GALNT13: variants seen among roughly 807,000 people sequenced by gnomAD.
The protein encoded by GALNT13 is polypeptide N-acetylgalactosaminyltransferase 13.
Under a neutral mutation model 64.2 loss-of-function variants are expected in GALNT13, and 28 were observed. The ratio of observed to expected loss-of-function variants is 0.44; its 90% CI spans 0.32 to 0.60. GALNT13 has a LOEUF of 0.60. GALNT13 is among the 20% of genes least tolerant of loss of function. GALNT13 has a pLI of 0.05. For synonymous variants in GALNT13, 214 were observed against 224.6 expected, an observed-to-expected ratio of 0.95 and a Z score of 0.42; for missense variants, 577 against 669.8, an observed-to-expected ratio of 0.86 and a Z score of 1.53.
At chr2:154,278,238 G>A (rs1293265347) in intron 8 of GALNT13, among the ~76,000 whole-genome samples, 2 of 152,066 alleles carry the variant, frequency 1.3e-5, no homozygotes, top group South Asian at 2.1e-4. Flanking sequence ...AACTTTAAGC[G>A]TACTGTGTCC....
At chr2:153,421,172 C>T in the GALNT13 span, 1 of 200,360 alleles carries the variant, frequency 5.0e-6, no homozygotes. Flanking sequence ...GTAGTCTTAC[C>T]CAGCAGAGAT....
the GALNT13 span, among the ~76,000 whole-genome samples, chr2:153,709,737 A>G: frequency 7.9e-5 from 12 of 152,152 alleles, no homozygotes; most frequent in Admixed American, 6.6e-4. Flanking sequence ...TATAAAATCA[A>G]CTTCAGTGCC....
intron 2 of GALNT13, among the ~76,000 whole-genome samples, chr2:153,939,083 A>C (rs1691154444): frequency 6.6e-6 from 1 of 152,182 alleles, no homozygotes; most frequent in Non-Finnish European, 1.5e-5. Flanking sequence ...TTTTTCAATA[A>C]ATTGGGGGTG....
At chr2:154,067,968 A>G (rs960348620) in intron 3 of GALNT13, among the ~76,000 whole-genome samples, 13 of 152,168 alleles carry the variant, frequency 8.5e-5, no homozygotes, top group African/African-American at 3.1e-4. Context: ...TTCATCTGAC[A>G]AGGGATTATA....
At chr2:154,102,554 C>T (rs1411873471) in intron 3 of GALNT13, among the ~76,000 whole-genome samples, 1 of 152,128 alleles carries the variant, frequency 6.6e-6, no homozygotes, top group Non-Finnish European at 1.5e-5. Context: ...GGATAAAATG[C>T]TACCCACTGG....
the GALNT13 span, among the ~76,000 whole-genome samples, chr2:153,152,514 C>A: frequency 6.6e-6 from 1 of 151,654 alleles, no homozygotes; most frequent in Non-Finnish European, 1.5e-5. Context: ...TATTTCATTG[C>A]TGAGGTGATA....
chr2:154,397,280 A>T (rs2105365379), intron 10 of GALNT13, among the ~76,000 whole-genome samples: 1 of 150,906 alleles, frequency 6.6e-6, no homozygotes, highest in Middle Eastern at 3.5e-3. Context: ...CTAAAAATAC[A>T]AAAAAAAACT....
the GALNT13 span, among the ~76,000 whole-genome samples, chr2:153,403,224 C>T: frequency 7.3e-5 from 11 of 150,048 alleles, no homozygotes; most frequent in South Asian, 2.3e-3. Flanking sequence ...GGGGGTGCCT[C>T]CCGGTTAGGC....
chr2:153,942,222 T>C (rs1312470868), intron 2 of GALNT13, among the ~76,000 whole-genome samples: 1 of 152,138 alleles, frequency 6.6e-6, no homozygotes, highest in Non-Finnish European at 1.5e-5. Context: ...TATAAACAAA[T>C]GAAGCACTGA....
At chr2:154,205,825 A>G (rs1386946046) in intron 4 of GALNT13, among the ~76,000 whole-genome samples, 2 of 152,164 alleles carry the variant, frequency 1.3e-5, no homozygotes, top group African/African-American at 4.8e-5. Flanking sequence ...GGATTCCAAA[A>G]GATAATTTAT....
At chr2:154,002,361 C>A (rs894133401) in intron 3 of GALNT13, among the ~76,000 whole-genome samples, 3 of 150,796 alleles carry the variant, frequency 2.0e-5, no homozygotes, top group African/African-American at 7.3e-5. Flanking sequence ...CTTGGTCTTT[C>A]TTTTCCTCTT....
the GALNT13 span, among the ~76,000 whole-genome samples, chr2:153,838,523 C>T: frequency 1.3e-5 from 2 of 151,838 alleles, no homozygotes; most frequent in African/African-American, 4.8e-5. Context: ...ACGGCCCTTT[C>T]CCCATTGTGT....
At chr2:153,800,728 A>G in the GALNT13 span, among the ~76,000 whole-genome samples, 1 of 152,174 alleles carries the variant, frequency 6.6e-6, no homozygotes, top group Non-Finnish European at 1.5e-5. Context: ...TCATTCGTTG[A>G]AGCTTTATTG....
chr2:153,306,195 G>A, the GALNT13 span, among the ~76,000 whole-genome samples: 2 of 152,158 alleles, frequency 1.3e-5, no homozygotes, highest in African/African-American at 4.8e-5. Context: ...AGCAAACACT[G>A]CTGGGTCGTT....
chr2:153,580,972 C>T, the GALNT13 span, among the ~76,000 whole-genome samples: 51 of 152,164 alleles, frequency 3.4e-4, no homozygotes, highest in Non-Finnish European at 6.3e-4. Flanking sequence ...CTGGTTGATA[C>T]TTCTCTTGCC....
chr2:154,181,393 T>C (rs966390084), intron 4 of GALNT13, among the ~76,000 whole-genome samples: 2 of 152,164 alleles, frequency 1.3e-5, no homozygotes, highest in African/African-American at 4.8e-5. Flanking sequence ...TTAATACTTA[T>C]GTTTATAGCA....
At chr2:153,516,683 T>A in the GALNT13 span, among the ~76,000 whole-genome samples, 1 of 151,918 alleles carries the variant, frequency 6.6e-6, no homozygotes, top group African/African-American at 2.4e-5. Context: ...AAAGGGAAAA[T>A]TCTCCCTAGG....
chr2:153,539,331 A>G, the GALNT13 span, among the ~76,000 whole-genome samples: 1 of 151,790 alleles, frequency 6.6e-6, no homozygotes. Context: ...ATTTTCTCCC[A>G]TTCTGTAGGT....
the GALNT13 span, among the ~76,000 whole-genome samples, chr2:153,339,245 C>T: frequency 1.3e-5 from 2 of 152,298 alleles, no homozygotes; most frequent in Admixed American, 6.5e-5. Flanking sequence ...CAGCAGTGTA[C>T]AAGGGTTCCC....
Sources: allele counts gnomAD v4.1 joint callset (sites outside exome capture counted in the v4.1 genomes callset), GRCh38; gene constraint gnomAD v4.1.1; transcripts MANE v1.5; gene names NCBI Gene and HGNC (gene_info 2026-07-23, HGNC 2026-07-21).